The following ACTN2 variants were observed in gnomAD, a reference collection of about 807,000 sequenced individuals.
The protein encoded by ACTN2 is alpha-actinin-2.
In ACTN2, 39 loss-of-function variants were observed where a neutral mutation model predicts 113.8. The ratio of observed to expected loss-of-function variants is 0.34; its 90% CI spans 0.27 to 0.45. The LOEUF is 0.45. Among genes scored for constraint, ACTN2 ranks in the 20% least tolerant of loss-of-function variants. The probability of loss-of-function intolerance (pLI) is 1.00; values close to 1 mark genes in which losing one functional copy is unlikely to be tolerated. For missense variants in ACTN2, 992 were observed against 1,177.9 expected, an observed-to-expected ratio of 0.84 and a Z score of 2.31; for synonymous variants, 429 against 444.1, an observed-to-expected ratio of 0.97 and a Z score of 0.43.
intron 15 of ACTN2, among the ~76,000 whole-genome samples, chr1:236,753,545 G>A (rs1050041439): frequency 2.0e-5 from 3 of 152,166 alleles, no homozygotes; most frequent in Admixed American, 6.6e-5. Flanking sequence ...ATCCGAGATG[G>A]TGAAAATAAA....
At chr1:236,743,089 A>G (rs1659122981) in intron 11 of ACTN2, 46 bp downstream of exon 11, 1 of 1,608,998 alleles carries the variant, frequency 6.2e-7, no homozygotes, top group South Asian at 1.1e-5. Context: ...ACCAGAGTTG[A>G]GCCATGCCCA....
At chr1:236,730,969 T>C (rs1461471742) in intron 6 of ACTN2, among the ~76,000 whole-genome samples, 10 of 152,242 alleles carry the variant, frequency 6.6e-5, no homozygotes, top group Non-Finnish European at 1.5e-4. Flanking sequence ...CAGTGTGTCC[T>C]TTCTTGTCAA....
intron 9 of ACTN2, among the ~76,000 whole-genome samples, chr1:236,738,394 A>G (rs1324206643): frequency 6.6e-6 from 1 of 152,238 alleles, no homozygotes; most frequent in Non-Finnish European, 1.5e-5. Flanking sequence ...TAGTAGTGTA[A>G]CTTTATGATA....
At chr1:236,717,490 G>A (rs566401348) in intron 1 of ACTN2, among the ~76,000 whole-genome samples, 2 of 151,680 alleles carry the variant, frequency 1.3e-5, no homozygotes, top group South Asian at 2.1e-4. Flanking sequence ...CTGCAAGCAA[G>A]CATATTTTGC....
chr1:236,745,387 T>C (rs1659201902), intron 12 of ACTN2, among the ~76,000 whole-genome samples: 1 of 152,020 alleles, frequency 6.6e-6, no homozygotes, highest in Non-Finnish European at 1.5e-5. Context: ...TGAGCCGAGA[T>C]CGCGCCACTG....
At chr1:236,698,823 A>C (rs745991461) in intron 1 of ACTN2, among the ~76,000 whole-genome samples, 1 of 152,216 alleles carries the variant, frequency 6.6e-6, no homozygotes. Context: ...ATTATTGAGA[A>C]ATTCCAGGCA....
intron 1 of ACTN2, among the ~76,000 whole-genome samples, chr1:236,697,713 G>A (rs552077395): frequency 3.3e-5 from 5 of 151,574 alleles, no homozygotes; most frequent in African/African-American, 1.2e-4. Flanking sequence ...AGAAACCAAA[G>A]CTTTGGTGCT....
intron 15 of ACTN2, 142 bp downstream of exon 15, chr1:236,751,794 G>A (rs1558247552): frequency 1.1e-5 from 11 of 984,350 alleles, no homozygotes; most frequent in Non-Finnish European, 1.4e-5. Flanking sequence ...AAATTTCACA[G>A]GCAAAACGTG....
At chr1:236,727,331 A>AG (rs1018293622) in intron 5 of ACTN2, among the ~76,000 whole-genome samples, 1 of 152,136 alleles carries the variant, frequency 6.6e-6, no homozygotes, top group African/African-American at 2.4e-5. Context: ...CTCAGGGGTA[A>AG]GGGCCAGAAT....
chr1:236,745,659 C>T (rs1659211541), intron 12 of ACTN2, among the ~76,000 whole-genome samples: 2 of 152,178 alleles, frequency 1.3e-5, no homozygotes, highest in South Asian at 4.2e-4. Flanking sequence ...CCCTGGGGTG[C>T]GGCTGCCCTC....
chr1:236,701,911 C>T (rs1657688366), intron 1 of ACTN2, among the ~76,000 whole-genome samples: 1 of 152,128 alleles, frequency 6.6e-6, no homozygotes, highest in Non-Finnish European at 1.5e-5. Context: ...AGGGCTGTCA[C>T]CATGGAGGCC....
At chr1:236,741,405 C>T (rs1659062825) in intron 10 of ACTN2, among the ~76,000 whole-genome samples, 1 of 152,204 alleles carries the variant, frequency 6.6e-6, no homozygotes, top group Non-Finnish European at 1.5e-5. Flanking sequence ...CCAGCTCTGA[C>T]TTTTCCCCAA....
intron 1 of ACTN2, among the ~76,000 whole-genome samples, chr1:236,703,383 T>C (rs1657732137): frequency 6.8e-6 from 1 of 146,678 alleles, no homozygotes; most frequent in Non-Finnish European, 1.5e-5. Context: ...ATCTTGAAGC[T>C]CAAATGACCA....
chr1:236,703,093 ATGC>A (rs1038113437), intron 1 of ACTN2, among the ~76,000 whole-genome samples: 1 of 152,174 alleles, frequency 6.6e-6, no homozygotes, highest in African/African-American at 2.4e-5. Flanking sequence ...AGTACAATAA[ATGC>A]TGCTGCTGCT....
chr1:236,731,143 C>T (rs547376175), intron 6 of ACTN2, 90 bp from the exon 7 acceptor site: 25 of 956,706 alleles, frequency 2.6e-5, no homozygotes, highest in East Asian at 1.7e-4. Flanking sequence ...GGAAGGTGTC[C>T]GGCCTAAAGT....
chr1:236,705,310 A>G (rs549326661), intron 1 of ACTN2, among the ~76,000 whole-genome samples: 11 of 152,344 alleles, frequency 7.2e-5, no homozygotes, highest in Admixed American at 1.3e-4. Flanking sequence ...AGAAAGACCC[A>G]GAAAGTATTA....
At chr1:236,715,532 G>C (rs533608694) in intron 1 of ACTN2, among the ~76,000 whole-genome samples, 1 of 151,846 alleles carries the variant, frequency 6.6e-6, no homozygotes, top group African/African-American at 2.4e-5. Context: ...AGCCATATGT[G>C]GCTTTTGATC....
intron 1 of ACTN2, among the ~76,000 whole-genome samples, chr1:236,692,353 TGAG>T (rs1209635872): frequency 6.6e-6 from 1 of 152,184 alleles, no homozygotes; most frequent in African/African-American, 2.4e-5. Context: ...ACCAAACTAA[TGAG>T]GAGAGTCTGT....
Position 236,763,116 on chromosome 1 carries a change from C to A in ACTN2, c.*497C>A. 5.6e-6 allele frequency: 1 copy of A among 178,074 alleles called. No homozygotes were observed. The highest frequency in any genetic ancestry group is 1.2e-5 in the Non-Finnish European group (1 of 82,536). 11.0% of individuals were successfully genotyped at this position (178,074 alleles called of 1,614,324 possible). A position where few individuals can be genotyped will look rare whatever the true frequency, so the allele number is the denominator to read the frequency against. ...CTAATGTTTTATTTTCATGCTTATC[C>A]AAAGATTACTATTGTATCTTCAAAT... On this transcript the variant is annotated 3_prime_UTR_variant, in exon 21 of 21. Transcript: ENST00000366578.
Sources: gnomAD v4.1 joint callset for allele counts (sites outside exome capture counted in the v4.1 genomes callset) on GRCh38, gnomAD v4.1.1 for gene constraint, MANE v1.5 for transcripts, NCBI Gene and HGNC (gene_info 2026-07-23, HGNC 2026-07-21) for gene names.